The following SEMA6A variants were observed in gnomAD, a reference collection of about 807,000 sequenced individuals.
SEMA6A encodes the protein semaphorin-6A.
Under a neutral mutation model 96.8 loss-of-function variants are expected in SEMA6A, and 25 were observed. The observed-to-expected ratio is 0.26, with a 90% CI of 0.19 to 0.36. The LOEUF is 0.36. Ranked by LOEUF, SEMA6A falls within the 10% of genes least tolerant of loss-of-function variation. The probability of loss-of-function intolerance (pLI) is 1.00; values close to 1 mark genes in which losing one functional copy is unlikely to be tolerated. For synonymous variants in SEMA6A, 612 were observed against 518.0 expected (o/e 1.18, Z -2.46); for missense variants, 1,363 against 1,323.1 (o/e 1.03, Z -0.47).
At chr5:116,453,337 A>G (rs185190563) in intron 18 of SEMA6A, among the ~76,000 whole-genome samples, 2 of 152,214 alleles carry the variant, frequency 1.3e-5, no homozygotes, top group African/African-American at 2.4e-5. Flanking sequence ...AGGCCAGTTA[A>G]GTTCTTCCTT....
chr5:116,541,654 G>A lies in SEMA6A; in HGVS notation c.-39+32531C>T, dbSNP rs757689721. Among the ~76,000 whole-genome samples the A allele has an allele frequency of 5.9e-5, 9 of 152,080 alleles. No individual in the cohort carries two copies. The South Asian group carries it at 6.2e-4, about 10-fold the overall frequency. On this transcript the variant is annotated intron_variant, in intron 1 of 18. Coordinates refer to ENST00000343348, the MANE Select transcript of SEMA6A (RefSeq NM_020796.5). ...TCGAGACCAGCCTGGCCAACATGGCGCAACCCCATCTCTACTAAAGATACA... is the reference window on the plus strand; with the variant it reads ...TCGAGACCAGCCTGGCCAACATGGCACAACCCCATCTCTACTAAAGATACA...
In SEMA6A at chr5:116,446,683, G is replaced by T. The variant is rs750512109; in HGVS notation, c.3023C>A (p.Pro1008Gln). Residue 1008 changes from proline to glutamine, a missense_variant, in exon 19 of 19, where the codon CCG (proline) becomes CAG (glutamine). Pro to Gln is a moderately conservative substitution (Grantham distance 76). This residue lies in a region of SEMA6A where 883 missense variants were observed against 763.6 expected (regional missense o/e 1.16). Coordinates refer to ENST00000343348, the MANE Select transcript of SEMA6A (RefSeq NM_020796.5). Reference sequence around the variant, plus strand: ...AAAGGATGGTTTGGGGGGTACGTCCGGCTTTAGCGAGGGCGTACGCTTCAG... The same window carrying T: ...AAAGGATGGTTTGGGGGGTACGTCCTGCTTTAGCGAGGGCGTACGCTTCAG... ...SGLKRTPSLK[P>Q]DVPPKPSFAP... 14 of 1,567,540 alleles carry T rather than the reference G, an allele frequency of 8.9e-6. No individual in the cohort carries two copies. The East Asian group carries it at 3.0e-4, about 33-fold the overall frequency.
At chr5:116,499,577 G>A (rs188998102) in intron 3 of SEMA6A, among the ~76,000 whole-genome samples, 2 of 152,226 alleles carry the variant, frequency 1.3e-5, no homozygotes, top group Admixed American at 6.5e-5. Context: ...GGAGAGAAGA[G>A]GTCCTAAATA....
At chr5:116,476,483 AT>A (rs1198786627) in intron 15 of SEMA6A, among the ~76,000 whole-genome samples, 1 of 152,214 alleles carries the variant, frequency 6.6e-6, no homozygotes, top group Non-Finnish European at 1.5e-5. Context: ...CACATTAAAA[AT>A]CAAATCCCTC....
At chr5:116,486,308 C>G (rs1449376569) in intron 10 of SEMA6A, among the ~76,000 whole-genome samples, 1 of 152,164 alleles carries the variant, frequency 6.6e-6, no homozygotes, top group Non-Finnish European at 1.5e-5. Context: ...TCAAATACTG[C>G]AAATTATTAG....
intron 17 of SEMA6A, chr5:116,468,531 A>G (rs922397071): frequency 1.3e-5 from 2 of 152,218 alleles, no homozygotes; most frequent in Admixed American, 1.3e-4. Flanking sequence ...GGTTCAGATA[A>G]GCTACCATAG....
rs1409109522 is a variant in SEMA6A at position 116,445,642 on chromosome 5, A to C, written c.*971T>G. On this transcript the variant is annotated 3_prime_UTR_variant, in exon 19 of 19. Transcript: ENST00000343348. ...TGCATGTTTATAGGCCAGAGACCTG[A>C]CCAGGCAATGAACTGATAGATTTAA... 6.6e-6 allele frequency: 1 copy of C among 152,518 alleles called. No homozygotes were observed. The highest frequency in any genetic ancestry group is 2.4e-5 in the African/African-American group (1 of 41,476). The allele number at this position is 152,518 out of a possible 1,614,324, so 9.4% of individuals were successfully genotyped here.
intron 15 of SEMA6A, among the ~76,000 whole-genome samples, chr5:116,477,637 C>T (rs1427836156): frequency 6.6e-6 from 1 of 152,054 alleles, no homozygotes; most frequent in Non-Finnish European, 1.5e-5. Flanking sequence ...TTAATCAGTC[C>T]GAGGATGATT....
In SEMA6A at chr5:116,495,434, G is replaced by A. The variant is rs747330112; in HGVS notation, c.423C>T (p.Asn141=). ...TTACCTTATAGTTTCTGCAGGAAGG[G>A]TTGAAGGCATTAGTTCCACAGACAA... ...ALFVCGTNAF[N]PSCRNYKMDT... The change falls in exon 6 of 19, where the codon AAC becomes AAT. Residue 141 remains asparagine (N), a synonymous_variant. Coordinates refer to ENST00000343348, the MANE Select transcript of SEMA6A (RefSeq NM_020796.5). 6.2e-7 allele frequency: 1 copy of A among 1,610,150 alleles called. No individual in the cohort carries two copies. The highest frequency in any genetic ancestry group is 2.2e-5 in the East Asian group (1 of 44,748).
chr5:116,484,066 GAAAAAAAAAA>G (rs542325007), intron 10 of SEMA6A, among the ~76,000 whole-genome samples: 1 of 99,912 alleles, frequency 1.0e-5, no homozygotes, highest in African/African-American at 3.5e-5. Flanking sequence ...TCTGTCTGAA[GAAAAAAAAAA>G]AAAAAAAAAA....
In SEMA6A at chr5:116,446,091, A is replaced by G. The variant is rs1754159583; in HGVS notation, c.*522T>C. On this transcript the variant is annotated 3_prime_UTR_variant, in exon 19 of 19. Coordinates refer to ENST00000343348, the MANE Select transcript of SEMA6A (RefSeq NM_020796.5). ...TGCCATTGTTAAAGTCTGAGTTAGAATTATCAATGAATTCTTTTTTTTTTG... is the reference window on the plus strand; with the variant it reads ...TGCCATTGTTAAAGTCTGAGTTAGAGTTATCAATGAATTCTTTTTTTTTTG... The G allele has an allele frequency of 6.6e-6, 1 of 152,254 alleles. No individual in the cohort carries two copies. Among genetic ancestry groups the G allele is most frequent in the Non-Finnish European group, 1.5e-5 (1 of 68,162 alleles). The allele number at this position is 152,254 out of a possible 1,614,324, so 9.4% of individuals were successfully genotyped here. A position where few individuals can be genotyped will look rare whatever the true frequency, so the allele number is the denominator to read the frequency against.
intron 2 of SEMA6A, among the ~76,000 whole-genome samples, chr5:116,503,565 G>A (rs1182100969): frequency 1.3e-5 from 2 of 150,754 alleles, no homozygotes; most frequent in African/African-American, 4.9e-5. Context: ...AGGCTGGAGT[G>A]CAGTGGTGTG....
At chr5:116,563,468 G>C (rs1760899873) in intron 1 of SEMA6A, among the ~76,000 whole-genome samples, 1 of 152,164 alleles carries the variant, frequency 6.6e-6, no homozygotes, top group South Asian at 2.1e-4. Flanking sequence ...GACAAAGGAA[G>C]CAAGTTCATG....
chr5:116,495,814 C>G (rs976229596), intron 5 of SEMA6A: 12 of 373,860 alleles, frequency 3.2e-5, no homozygotes, highest in Admixed American at 1.3e-4. Flanking sequence ...ATGCCAGATG[C>G]TCCAGCGTTC....
chr5:116,502,269 C>T lies in SEMA6A; in HGVS notation c.159G>A (p.Arg53=), dbSNP rs1757919213. 2 of 1,613,860 alleles carry T rather than the reference C, an allele frequency of 1.2e-6. No individual in the cohort carries two copies. Among genetic ancestry groups the T allele is most frequent in the African/African-American group, 1.3e-5 (1 of 74,924 alleles). Residue 53 remains arginine (R), a synonymous_variant, in exon 3 of 19, where the codon AGG becomes AGA. Transcript: ENST00000343348. ...GHKPGRNTTQ[R]HRLDIQMIMI... ...TAATCATCTGGATGTCCAGCCTGTG[C>T]CTCTGTGTGGTGTTCCGTCCTGGCT... is the stretch of plus-strand genomic sequence containing the variant.
In SEMA6A at chr5:116,486,773, G is replaced by C; in HGVS notation, c.938C>G (p.Ala313Gly). The stretch of plus-strand genomic sequence containing the variant: ...CCTGTTATAAGGTGTAGAAAACGTT[G>C]CCAGGACAACATCACGCCCGTTGAT... ...IRINGRDVVL[A>G]TFSTPYNSIP... Residue 313 changes from alanine to glycine, a missense_variant, in exon 10 of 19, where the codon GCA (alanine) becomes GGA (glycine). Ala to Gly is a moderately conservative substitution (Grantham distance 60). Coordinates refer to ENST00000343348, the MANE Select transcript of SEMA6A (RefSeq NM_020796.5). 6.2e-7 allele frequency: 1 copy of C among 1,613,758 alleles called. No individual in the cohort carries two copies. The highest frequency in any genetic ancestry group is 8.5e-7 in the Non-Finnish European group (1 of 1,179,728).
intron 1 of SEMA6A, among the ~76,000 whole-genome samples, chr5:116,519,794 T>A (rs772234422): frequency 5.3e-5 from 8 of 152,108 alleles, no homozygotes; most frequent in Non-Finnish European, 8.8e-5. Flanking sequence ...ATTTCCAAAG[T>A]ACATGCCAAA....
chr5:116,500,083 G>C (rs761217233), intron 3 of SEMA6A, among the ~76,000 whole-genome samples: 2 of 152,108 alleles, frequency 1.3e-5, no homozygotes, highest in African/African-American at 4.8e-5. Flanking sequence ...ACCCTATTAC[G>C]TTTAGGAAAA....
chr5:116,493,538 C>T (rs186528705), intron 6 of SEMA6A, among the ~76,000 whole-genome samples: 64 of 152,184 alleles, frequency 4.2e-4, no homozygotes, highest in Admixed American at 9.2e-4. Context: ...ATCTTAATTA[C>T]GGAATTTTTT....
Sources: gnomAD v4.1 joint callset for allele counts (sites outside exome capture counted in the v4.1 genomes callset) on GRCh38, gnomAD v4.1.1 for gene constraint, gnomAD v4.1.1 regional missense constraint, MANE v1.5 for transcripts, NCBI Gene and HGNC (gene_info 2026-07-23, HGNC 2026-07-21) for gene names.